TEX9: variants seen among roughly 807,000 people sequenced by gnomAD.
TEX9 encodes the protein testis-expressed protein 9.
Under a neutral mutation model 59.6 loss-of-function variants are expected in TEX9, and 74 were observed. The observed-to-expected ratio is 1.24, with a 90% confidence interval of 1.03 to 1.51. The LOEUF is 1.51. Among genes scored for constraint, TEX9 ranks in the 40% most tolerant of loss-of-function variants. The pLI is 0.00. For synonymous variants in TEX9, 186 were observed against 152.2 expected, an observed-to-expected ratio of 1.22 and a Z score of -1.64; for missense variants, 522 against 447.8, an observed-to-expected ratio of 1.17 and a Z score of -1.49.
chr15:56,423,188 C>G (rs1304888735), intron 10 of TEX9, among the ~76,000 whole-genome samples: 4 of 152,146 alleles, frequency 2.6e-5, no homozygotes, highest in African/African-American at 9.7e-5. Context: ...GATTTGAAAT[C>G]TTCTTTCCTA....
chr15:56,372,929 T>A (rs2047254737), intron 2 of TEX9, among the ~76,000 whole-genome samples: 1 of 152,122 alleles, frequency 6.6e-6, no homozygotes, highest in Admixed American at 6.5e-5. Flanking sequence ...AAGCTTGATA[T>A]TAAAGTATGT....
intron 1 of TEX9, among the ~76,000 whole-genome samples, chr15:56,292,177 T>C (rs1264029116): frequency 6.6e-6 from 1 of 152,252 alleles, no homozygotes; most frequent in African/African-American, 2.4e-5. Flanking sequence ...TGCAGCATCA[T>C]GTTCTTGGAG....
chr15:56,378,920 C>T (rs1349624241), intron 3 of TEX9, among the ~76,000 whole-genome samples: 1 of 151,622 alleles, frequency 6.6e-6, no homozygotes, highest in Non-Finnish European at 1.5e-5. Flanking sequence ...ACAAATTAGT[C>T]AGATGTGGTG....
upstream of TEX9, among the ~76,000 whole-genome samples, chr15:56,363,521 T>A (rs2046829943): frequency 6.6e-6 from 1 of 152,142 alleles, no homozygotes; most frequent in Non-Finnish European, 1.5e-5. Context: ...GCATTTCATT[T>A]TGGTTTTAAT....
chr15:56,276,706 C>G (rs2044676743), intron 1 of TEX9, among the ~76,000 whole-genome samples: 1 of 152,084 alleles, frequency 6.6e-6, no homozygotes, highest in South Asian at 2.1e-4. Flanking sequence ...AATGGGATTG[C>G]TGGGTCAAAT....
Position 56,444,642 on chromosome 15 carries a change from A to G in TEX9, c.*30-1029A>G, listed in dbSNP as rs144284822. The G allele has an allele frequency of 1.1e-5, 18 of 1,610,662 alleles. No homozygotes were observed. The African/African-American group carries it at 2.4e-4, about 22-fold the overall frequency. On this transcript the variant is annotated intron_variant, in intron 12 of 12. Coordinates refer to ENST00000352903, the Ensembl canonical transcript of TEX9. ...CTTTATTATTCTCTTGTGTTCTTCC[A>G]TCATGGTTTTGGCTATTTCAGCATC...
chr15:56,412,744 A>G (rs2049424351), intron 10 of TEX9, among the ~76,000 whole-genome samples: 2 of 152,084 alleles, frequency 1.3e-5, no homozygotes, highest in Admixed American at 1.3e-4. Context: ...TAAAAAAAGT[A>G]TCTTTTGTAT....
At chr15:56,334,151 A>C (rs1209103443) in intron 1 of TEX9, among the ~76,000 whole-genome samples, 1 of 152,056 alleles carries the variant, frequency 6.6e-6, no homozygotes, top group Non-Finnish European at 1.5e-5. Context: ...TCACAGAAAC[A>C]AAAAAAATCC....
intron 1 of TEX9, among the ~76,000 whole-genome samples, chr15:56,358,774 G>A (rs2046735756): frequency 6.6e-6 from 1 of 152,136 alleles, no homozygotes; most frequent in East Asian, 1.9e-4. Flanking sequence ...CGTGGTGGGA[G>A]GTGATTGAAT....
At chr15:56,460,009 A>AAAAAAAAAAATAT in the TEX9 span, among the ~76,000 whole-genome samples, 57 of 26,378 alleles carry the variant, frequency 2.2e-3, 9 homozygotes, top group African/African-American at 4.8e-3. Flanking sequence ...AAAAAAAAAA[A>AAAAAAAAAAATAT]ATACATATAT....
intron 12 of TEX9, among the ~76,000 whole-genome samples, chr15:56,437,021 G>T (rs1303871575): frequency 3.3e-5 from 5 of 152,088 alleles, no homozygotes; most frequent in African/African-American, 7.2e-5. Context: ...TTCTACCAGA[G>T]GTACAAGGAG....
intron 1 of TEX9, among the ~76,000 whole-genome samples, chr15:56,316,835 C>A (rs182786759): frequency 6.6e-6 from 1 of 152,204 alleles, no homozygotes; most frequent in Non-Finnish European, 1.5e-5. Flanking sequence ...AAGCCAGGTG[C>A]GGGATATAAT....
intron 10 of TEX9, among the ~76,000 whole-genome samples, chr15:56,426,589 GTATATATATATATATA>G (rs71110391): frequency 0.12 from 2,976 of 24,342 alleles, 337 homozygotes; most frequent in African/African-American, 0.18. Context: ...TTGAAAAGGT[GTATATATATATATATA>G]TATATATATA....
intron 1 of TEX9, among the ~76,000 whole-genome samples, chr15:56,352,416 T>C (rs1473990817): frequency 6.6e-6 from 1 of 151,804 alleles, no homozygotes; most frequent in Non-Finnish European, 1.5e-5. Flanking sequence ...AGCTAATTTT[T>C]TTTTTTTTGT....
chr15:56,442,100 G>T (rs1366980432), intron 12 of TEX9, among the ~76,000 whole-genome samples: 1 of 151,984 alleles, frequency 6.6e-6, no homozygotes, highest in Non-Finnish European at 1.5e-5. Flanking sequence ...CTCAAAAAAT[G>T]ATATATATGT....
chr15:56,288,202 T>A (rs1442250019), intron 1 of TEX9, among the ~76,000 whole-genome samples: 2 of 152,220 alleles, frequency 1.3e-5, no homozygotes, highest in Non-Finnish European at 2.9e-5. Flanking sequence ...TTTTGTCTTT[T>A]TGATAATAAC....
chr15:56,422,275 T>TA (rs1374452426), intron 10 of TEX9, among the ~76,000 whole-genome samples: 1 of 151,608 alleles, frequency 6.6e-6, no homozygotes, highest in Non-Finnish European at 1.5e-5. Flanking sequence ...AATAAAAAAA[T>TA]AAAAAAATCC....
At chr15:56,416,484 T>G (rs1374222944) in intron 10 of TEX9, among the ~76,000 whole-genome samples, 1 of 151,952 alleles carries the variant, frequency 6.6e-6, no homozygotes, top group Admixed American at 6.5e-5. Context: ...GTTTTTGTCT[T>G]AATTCTGTTT....
chr15:56,247,284 G>A (rs2043882135), intron 1 of TEX9, among the ~76,000 whole-genome samples: 1 of 152,184 alleles, frequency 6.6e-6, no homozygotes, highest in Non-Finnish European at 1.5e-5. Context: ...ACTTGAAGTA[G>A]TTTACATTTT....
Sources: allele counts gnomAD v4.1 joint callset (sites outside exome capture counted in the v4.1 genomes callset), GRCh38; gene constraint gnomAD v4.1.1; transcripts MANE v1.5; gene names NCBI Gene and HGNC (gene_info 2026-07-23, HGNC 2026-07-21).